EVI5: variants seen among roughly 807,000 people sequenced by gnomAD.
The protein encoded by EVI5 is ecotropic viral integration site 5.
Under a neutral mutation model 112.0 loss-of-function variants are expected in EVI5, and 73 were observed. The observed-to-expected ratio is 0.65, with a 90% CI of 0.54 to 0.79. The LOEUF (loss-of-function observed/expected upper bound fraction) is 0.79, where lower values mean the gene tolerates loss of function less well. Ranked by LOEUF, EVI5 falls within the 30% of genes least tolerant of loss-of-function variation. The pLI is 0.00. For synonymous variants in EVI5, 305 were observed against 319.9 expected (o/e 0.95, Z 0.50); for missense variants, 900 against 968.8 (o/e 0.93, Z 0.94).
chr1:92,564,832 A>G (rs998866741), intron 18 of EVI5, among the ~76,000 whole-genome samples: 2 of 152,026 alleles, frequency 1.3e-5, no homozygotes, highest in African/African-American at 2.4e-5. Flanking sequence ...GGTGCCCAGC[A>G]CTGCGCCTGG....
intron 13 of EVI5, among the ~76,000 whole-genome samples, chr1:92,653,207 G>A (rs530010628): frequency 1.2e-4 from 18 of 152,336 alleles, no homozygotes; most frequent in African/African-American, 3.4e-4. Context: ...CACATCACCA[G>A]AGCCCCATAG....
chr1:92,704,505 C>G (rs1344680806), intron 3 of EVI5, 50 bp downstream of exon 3: 2 of 1,193,744 alleles, frequency 1.7e-6, no homozygotes, highest in African/African-American at 3.1e-5. Flanking sequence ...TAAGTTATGT[C>G]TGACGCACTA....
chr1:92,768,360 A>G (rs1447081097), intron 1 of EVI5, among the ~76,000 whole-genome samples: 1 of 152,140 alleles, frequency 6.6e-6, no homozygotes, highest in Non-Finnish European at 1.5e-5. Flanking sequence ...GGTTTTTTTA[A>G]ATCTGATAAT....
intron 13 of EVI5, among the ~76,000 whole-genome samples, chr1:92,654,144 C>T (rs1183534146): frequency 6.6e-6 from 1 of 152,116 alleles, no homozygotes; most frequent in Non-Finnish European, 1.5e-5. Context: ...ACTGTACATT[C>T]CACAGCCCAG....
rs200330781 is a variant in EVI5, at chr1:92,694,358, C to T, written c.940G>A (p.Ala314Thr). The T allele has an allele frequency of 1.3e-5, 21 of 1,605,342 alleles. No individual in the cohort carries two copies. Among genetic ancestry groups the T allele is most frequent in the Non-Finnish European group, 1.7e-5 (20 of 1,173,442 alleles). ...TCTGCCTGATTCATCTGAAGAAGTG[C>T]TAATCCTACACGAAACACTATTTCT... ...GLEIVFRVGL[A>T]LLQMNQAELM... The change falls in exon 8 of 20, where the codon GCA becomes ACA. Residue 314 changes from alanine (A) to threonine (T), a missense_variant. Coordinates refer to ENST00000684568, the MANE Select transcript of EVI5 (RefSeq NM_001350197.2).
intron 13 of EVI5, among the ~76,000 whole-genome samples, chr1:92,640,729 G>A (rs1371481721): frequency 6.6e-6 from 1 of 152,066 alleles, no homozygotes; most frequent in Non-Finnish European, 1.5e-5. Flanking sequence ...CCATTACCAG[G>A]CATATACCCA....
chr1:92,768,442 G>A (rs909625116), intron 1 of EVI5, among the ~76,000 whole-genome samples: 1 of 152,166 alleles, frequency 6.6e-6, no homozygotes, highest in African/African-American at 2.4e-5. Flanking sequence ...ACCTGCCATA[G>A]GCAAGTAGGT....
chr1:92,653,383 C>T (rs957257559), intron 13 of EVI5, among the ~76,000 whole-genome samples: 5 of 152,332 alleles, frequency 3.3e-5, no homozygotes, highest in African/African-American at 1.2e-4. Flanking sequence ...CTTTCCTGTG[C>T]CCAAGAGCTC....
At chr1:92,549,608 G>C (rs1666432827) in intron 19 of EVI5, among the ~76,000 whole-genome samples, 1 of 152,006 alleles carries the variant, frequency 6.6e-6, no homozygotes, top group African/African-American at 2.4e-5. Flanking sequence ...ATCTGACAAA[G>C]GGCTAATATC....
intron 1 of EVI5, among the ~76,000 whole-genome samples, chr1:92,754,192 A>G (rs1680583929): frequency 6.6e-6 from 1 of 152,224 alleles, no homozygotes; most frequent in Non-Finnish European, 1.5e-5. Flanking sequence ...AGGCTATCTC[A>G]GCTTTAGGGA....
intron 9 of EVI5, among the ~76,000 whole-genome samples, chr1:92,687,644 G>C (rs1329933758): frequency 2.0e-5 from 3 of 152,202 alleles, no homozygotes; most frequent in Non-Finnish European, 2.9e-5. Flanking sequence ...CTACCCATCT[G>C]ACAAAGGGCT....
At chr1:92,578,765 T>TA (rs1557828332) in intron 18 of EVI5, among the ~76,000 whole-genome samples, 1 of 151,670 alleles carries the variant, frequency 6.6e-6, no homozygotes, top group Non-Finnish European at 1.5e-5. Context: ...TTAAGTAACT[T>TA]ATCAAGGACC....
chr1:92,688,760 G>A (rs1668993908), intron 9 of EVI5, among the ~76,000 whole-genome samples: 1 of 152,118 alleles, frequency 6.6e-6, no homozygotes, highest in African/African-American at 2.4e-5. Flanking sequence ...AAGACATACG[G>A]GTTAGGTATC....
intron 16 of EVI5, among the ~76,000 whole-genome samples, chr1:92,608,110 C>T (rs1250799910): frequency 6.6e-6 from 1 of 150,400 alleles, no homozygotes; most frequent in African/African-American, 2.5e-5. Flanking sequence ...GAGACTGAGC[C>T]ACTGCACTCC....
intron 10 of EVI5, among the ~76,000 whole-genome samples, chr1:92,666,393 A>G (rs1430512251): frequency 6.7e-6 from 1 of 150,278 alleles, no homozygotes; most frequent in Non-Finnish European, 1.5e-5. Flanking sequence ...GCATGCACAC[A>G]CATACACACA....
At chr1:92,526,162 G>A (rs1198486903) in intron 19 of EVI5, among the ~76,000 whole-genome samples, 2 of 152,140 alleles carry the variant, frequency 1.3e-5, no homozygotes, top group African/African-American at 4.8e-5. Flanking sequence ...TGGCTCAAGT[G>A]AGCCTTCTGC....
At chr1:92,706,938 T>C (rs1305087119) in intron 2 of EVI5, among the ~76,000 whole-genome samples, 1 of 151,886 alleles carries the variant, frequency 6.6e-6, no homozygotes, top group Non-Finnish European at 1.5e-5. Flanking sequence ...TCCCAGCACT[T>C]TGGGAGGCCG....
chr1:92,721,546 A>G, intron 2 of EVI5, among the ~76,000 whole-genome samples: 1 of 152,188 alleles, frequency 6.6e-6, no homozygotes, highest in East Asian at 1.9e-4. Context: ...GGGCTGGGGG[A>G]GGGATAGCAT....
intron 19 of EVI5, among the ~76,000 whole-genome samples, chr1:92,524,986 C>T (rs1388910181): frequency 6.6e-6 from 1 of 152,024 alleles, no homozygotes; most frequent in African/African-American, 2.4e-5. Context: ...CACCACCACA[C>T]CCAGCTAATT....
Sources: allele counts gnomAD v4.1 joint callset (sites outside exome capture counted in the v4.1 genomes callset), GRCh38; gene constraint gnomAD v4.1.1; transcripts MANE v1.5; gene names NCBI Gene and HGNC (gene_info 2026-07-23, HGNC 2026-07-21).